ZNF704: variants seen among roughly 807,000 people sequenced by gnomAD.
ZNF704 encodes the protein glucocorticoid induced gene 1.
In ZNF704, 10 loss-of-function variants were observed where a neutral mutation model predicts 44.7. That is an observed-to-expected ratio of 0.22 (90% CI 0.14 to 0.38). ZNF704 has a LOEUF of 0.38. Among genes scored for constraint, ZNF704 ranks in the 10% least tolerant of loss-of-function variants. The probability of loss-of-function intolerance (pLI) is 1.00; values close to 1 mark genes in which losing one functional copy is unlikely to be tolerated. For missense variants in ZNF704, 390 were observed against 545.5 expected, an observed-to-expected ratio of 0.71 and a Z score of 2.84; for synonymous variants, 211 against 207.6, an observed-to-expected ratio of 1.02 and a Z score of -0.14.
intron 2 of ZNF704, among the ~76,000 whole-genome samples, chr8:80,787,875 T>C (rs1320049297): frequency 6.6e-6 from 1 of 152,232 alleles, no homozygotes; most frequent in Non-Finnish European, 1.5e-5. Context: ...TTATCTTGTA[T>C]AAAATCTTAA....
chr8:80,768,759 T>C (rs1347854444), intron 2 of ZNF704, among the ~76,000 whole-genome samples: 1 of 152,146 alleles, frequency 6.6e-6, no homozygotes, highest in Non-Finnish European at 1.5e-5. Context: ...CAACCCCGTG[T>C]TTAGACATGT....
At chr8:80,817,728 TTCTC>T (rs1387100102) in intron 2 of ZNF704, among the ~76,000 whole-genome samples, 1 of 152,242 alleles carries the variant, frequency 6.6e-6, no homozygotes, top group Non-Finnish European at 1.5e-5. Flanking sequence ...GAGCTCTTCC[TTCTC>T]TATTTCAATT....
chr8:80,804,914 A>G (rs1807964100), intron 2 of ZNF704, among the ~76,000 whole-genome samples: 1 of 152,084 alleles, frequency 6.6e-6, no homozygotes, highest in Non-Finnish European at 1.5e-5. Flanking sequence ...TTCATCATAG[A>G]TTGGTGGGGT....
At chr8:80,657,597 G>A (rs1818035704) in intron 7 of ZNF704, among the ~76,000 whole-genome samples, 1 of 151,900 alleles carries the variant, frequency 6.6e-6, no homozygotes, top group Admixed American at 6.6e-5. Context: ...GGAGGCTGAA[G>A]TGGGGAAGAT....
At chr8:80,763,398 C>A (rs147157405) in intron 2 of ZNF704, among the ~76,000 whole-genome samples, 2,933 of 152,350 alleles carry the variant, frequency 0.019, 102 homozygotes, top group African/African-American at 0.067. Context: ...GACTTCTGTG[C>A]ACCTGCAGGC....
At chr8:80,753,092 G>A (rs1806975621) in intron 2 of ZNF704, among the ~76,000 whole-genome samples, 1 of 152,146 alleles carries the variant, frequency 6.6e-6, no homozygotes, top group African/African-American at 2.4e-5. Context: ...CATACACAAT[G>A]CTTTCTTTCC....
chr8:80,790,443 G>C (rs1194415224), intron 2 of ZNF704, among the ~76,000 whole-genome samples: 1 of 152,120 alleles, frequency 6.6e-6, no homozygotes, highest in East Asian at 1.9e-4. Flanking sequence ...AGTGCAGATG[G>C]TGTGTTAGAA....
At chr8:80,767,723 C>A in intron 2 of ZNF704, among the ~76,000 whole-genome samples, 1 of 152,166 alleles carries the variant, frequency 6.6e-6, no homozygotes, top group East Asian at 1.9e-4. Context: ...ATATGTTAAT[C>A]AATACCCCAG....
intron 2 of ZNF704, among the ~76,000 whole-genome samples, chr8:80,801,617 T>C (rs1807900745): frequency 6.6e-6 from 1 of 152,132 alleles, no homozygotes; most frequent in Non-Finnish European, 1.5e-5. Flanking sequence ...TTGAAACTAA[T>C]GAGAACAAAG....
At position 80,874,243 on chromosome 8, in the gene ZNF704, CCGGCGGCCGGCGGCTACGG is replaced by C. The variant is rs1809319875; in HGVS notation, c.-22+309_-22+327del. The stretch of plus-strand genomic sequence containing the variant: ...TTCGCTGGACCGGCCGGCGGGGACG[CCGGCGGCCGGCGGCTACGG>C]CGGGGCGGCGCGGCGGCCGCGGGCG... On this transcript the variant is annotated intron_variant, in intron 1 of 8. Transcript: ENST00000327835. The surrounding 1 kb of genome is among the most constrained non-coding windows in gnomAD (Gnocchi z 4.4). Among the ~76,000 whole-genome samples the C allele has an allele frequency of 6.9e-6, 1 of 144,290 alleles. No individual in the cohort carries two copies. Among genetic ancestry groups the C allele is most frequent in the East Asian group, 2.1e-4 (1 of 4,874 alleles). 94.7% of individuals were successfully genotyped at this position (144,290 alleles called of 152,430 possible). A position where few individuals can be genotyped will look rare whatever the true frequency, so the allele number is the denominator to read the frequency against.
chr8:80,869,627 C>G (rs1809215733), intron 1 of ZNF704, among the ~76,000 whole-genome samples: 1 of 152,166 alleles, frequency 6.6e-6, no homozygotes, highest in Non-Finnish European at 1.5e-5. Context: ...TTTCTTTTCT[C>G]TACATCTTTG....
intron 4 of ZNF704, among the ~76,000 whole-genome samples, chr8:80,681,525 G>A (rs2131626011): frequency 6.6e-6 from 1 of 152,252 alleles, no homozygotes; most frequent in East Asian, 1.9e-4. Context: ...CGTATGAGGA[G>A]TGCTGGCCTT....
At chr8:80,702,559 A>C (rs1377745511) in intron 2 of ZNF704, among the ~76,000 whole-genome samples, 1 of 151,946 alleles carries the variant, frequency 6.6e-6, no homozygotes, top group African/African-American at 2.4e-5. Flanking sequence ...TTGGAGAGAG[A>C]GCCATAGGTT....
rs1395989632 is a variant in ZNF704 at position 80,821,683 on chromosome 8, C to T, written c.-21-68G>A. ...ACCTTTGTACGACTACTGCAGATGGCGGTGAGGAGAGATTACAGACACTGT... is the reference window on the plus strand; with the variant it reads ...ACCTTTGTACGACTACTGCAGATGGTGGTGAGGAGAGATTACAGACACTGT... On this transcript the variant is annotated intron_variant, in intron 1 of 8. Coordinates refer to ENST00000327835, the MANE Select transcript of ZNF704 (RefSeq NM_001033723.3). The T allele has an allele frequency of 3.1e-5, 37 of 1,196,396 alleles. No homozygotes were observed. The Admixed American group carries it at 3.6e-4, about 11-fold the overall frequency. 74.1% of individuals were successfully genotyped at this position (1,196,396 alleles called of 1,614,324 possible).
At chr8:80,869,486 A>G (rs1809212896) in intron 1 of ZNF704, among the ~76,000 whole-genome samples, 1 of 152,198 alleles carries the variant, frequency 6.6e-6, no homozygotes, top group South Asian at 2.1e-4. Context: ...TATAGAAAAT[A>G]TACCCACATC....
intron 1 of ZNF704, among the ~76,000 whole-genome samples, chr8:80,832,084 G>A (rs1026695172): frequency 6.6e-6 from 1 of 152,130 alleles, no homozygotes; most frequent in Admixed American, 6.5e-5. Flanking sequence ...TCAATTATAT[G>A]AGAATACCAC....
intron 2 of ZNF704, among the ~76,000 whole-genome samples, chr8:80,781,241 A>C (rs977456577): frequency 6.6e-6 from 1 of 152,172 alleles, no homozygotes; most frequent in African/African-American, 2.4e-5. Context: ...AAACCATCCC[A>C]TTAACACAAG....
rs1341891313 is a variant in ZNF704, at chr8:80,633,212, T to G, written c.*8154A>C. On this transcript the variant is annotated 3_prime_UTR_variant, in exon 9 of 9. Coordinates refer to ENST00000327835, the MANE Select transcript of ZNF704 (RefSeq NM_001033723.3). Reference sequence around the variant, plus strand: ...ATGTTTTGATTTGATCATTACAGATTATAAATTTGAGCTGGTTTTAAAATT... The same window carrying G: ...ATGTTTTGATTTGATCATTACAGATGATAAATTTGAGCTGGTTTTAAAATT... The G allele has an allele frequency of 6.6e-6, 1 of 152,240 alleles. No homozygotes were observed. Among genetic ancestry groups the G allele is most frequent in the Non-Finnish European group, 1.5e-5 (1 of 68,046 alleles). The allele number at this position is 152,240 out of a possible 1,614,324, so 9.4% of individuals were successfully genotyped here. A position where few individuals can be genotyped will look rare whatever the true frequency, so the allele number is the denominator to read the frequency against.
chr8:80,735,039 A>G (rs1325405643), intron 2 of ZNF704, among the ~76,000 whole-genome samples: 1 of 152,130 alleles, frequency 6.6e-6, no homozygotes, highest in Non-Finnish European at 1.5e-5. Context: ...GGAACTTTCA[A>G]TGGTTACTGG....
Sources: allele counts gnomAD v4.1 joint callset (sites outside exome capture counted in the v4.1 genomes callset), GRCh38; gene constraint gnomAD v4.1.1; non-coding constraint Gnocchi (gnomAD v3.1); transcripts MANE v1.5; gene names NCBI Gene and HGNC (gene_info 2026-07-23, HGNC 2026-07-21).